The following LRP1B variants were observed in gnomAD, a reference collection of about 807,000 sequenced individuals.
The protein encoded by LRP1B is LDL receptor related protein 1B.
In LRP1B, 217 loss-of-function variants were observed where a neutral mutation model predicts 556.6. That is an observed-to-expected ratio of 0.39 (90% CI 0.35 to 0.44). The LOEUF is 0.44. Among genes scored for constraint, LRP1B ranks in the 20% least tolerant of loss-of-function variants. LRP1B has a pLI of 1.00. For synonymous variants in LRP1B, 2,047 were observed against 1,865.8 expected (o/e 1.10, Z -2.50); for missense variants, 5,053 against 5,620.8 (o/e 0.90, Z 3.23).
intron 1 of LRP1B, among the ~76,000 whole-genome samples, chr2:141,999,548 A>T (rs918594170): frequency 1.3e-5 from 2 of 152,136 alleles, no homozygotes; most frequent in African/African-American, 4.8e-5. Flanking sequence ...ATAAAGATTT[A>T]AAAGTGGCTT....
At chr2:142,074,040 T>A (rs2104917075) in intron 1 of LRP1B, among the ~76,000 whole-genome samples, 1 of 152,186 alleles carries the variant, frequency 6.6e-6, no homozygotes, top group East Asian at 1.9e-4. Flanking sequence ...GAGAATGGAC[T>A]AATATACCAT....
chr2:140,625,624 T>C (rs1162164329), intron 41 of LRP1B, among the ~76,000 whole-genome samples: 1 of 152,114 alleles, frequency 6.6e-6, no homozygotes, highest in Non-Finnish European at 1.5e-5. Flanking sequence ...AATAAGCATA[T>C]GAAAAGATGT....
chr2:141,015,329 C>T (rs1312326894), intron 13 of LRP1B, among the ~76,000 whole-genome samples: 1 of 151,990 alleles, frequency 6.6e-6, no homozygotes, highest in Admixed American at 6.6e-5. Flanking sequence ...ATTACTTCCT[C>T]GTAATACATA....
chr2:141,397,948 G>A (rs1439541877), intron 3 of LRP1B, among the ~76,000 whole-genome samples: 2 of 151,782 alleles, frequency 1.3e-5, no homozygotes, highest in African/African-American at 4.8e-5. Flanking sequence ...ACATCAGAGA[G>A]TTTAATGTCT....
chr2:140,434,021 C>A (rs888424822), intron 66 of LRP1B, among the ~76,000 whole-genome samples: 2 of 151,908 alleles, frequency 1.3e-5, no homozygotes, highest in Non-Finnish European at 2.9e-5. Context: ...TACTCTATTT[C>A]TATGGCCCTT....
intron 1 of LRP1B, among the ~76,000 whole-genome samples, chr2:141,987,908 G>C (rs1293708816): frequency 6.4e-4 from 2 of 3,108 alleles, no homozygotes; most frequent in African/African-American, 2.6e-3. Flanking sequence ...GTAAAGCAAT[G>C]ATTTCATAGT....
At chr2:140,510,940 TTTTG>T (rs1386340747) in intron 51 of LRP1B, among the ~76,000 whole-genome samples, 2 of 152,202 alleles carry the variant, frequency 1.3e-5, no homozygotes, top group South Asian at 2.1e-4. Context: ...GTTTTGAATG[TTTTG>T]TTTGTTTGTT....
chr2:142,054,166 A>G (rs1704572903), intron 1 of LRP1B, among the ~76,000 whole-genome samples: 1 of 152,172 alleles, frequency 6.6e-6, no homozygotes, highest in Non-Finnish European at 1.5e-5. Context: ...TATTATTTTC[A>G]CAAGAATATG....
intron 11 of LRP1B, 131 bp downstream of exon 11, chr2:141,048,855 T>C (rs1698954854): frequency 1.8e-5 from 13 of 704,222 alleles, no homozygotes; most frequent in East Asian, 1.3e-4. Context: ...AGAAATAACA[T>C]TAAAAAATAT....
intron 49 of LRP1B, among the ~76,000 whole-genome samples, chr2:140,522,399 C>A (rs1178732114): frequency 6.6e-6 from 1 of 151,714 alleles, no homozygotes; most frequent in Non-Finnish European, 1.5e-5. Flanking sequence ...ACACAACATA[C>A]CAAAATCTCT....
intron 41 of LRP1B, among the ~76,000 whole-genome samples, chr2:140,602,969 C>T (rs35949274): frequency 0.2 from 30,754 of 151,744 alleles, 3,347 homozygotes; most frequent in Middle Eastern, 0.29. Context: ...AAATTTTTAC[C>T]GCCTGGCTCC....
intron 62 of LRP1B, 69 bp downstream of exon 62, chr2:140,456,386 G>A (rs1415472332): frequency 6.9e-7 from 1 of 1,450,734 alleles, no homozygotes; most frequent in Admixed American, 2.0e-5. Flanking sequence ...ATCATTCAAT[G>A]TTATGCTAAA....
At chr2:140,919,905 C>T (rs1694686391) in intron 21 of LRP1B, among the ~76,000 whole-genome samples, 1 of 152,006 alleles carries the variant, frequency 6.6e-6, no homozygotes, top group African/African-American at 2.4e-5. Context: ...TTATTACCAT[C>T]CCTATTGATA....
chr2:141,208,123 C>A (rs1226588629), intron 6 of LRP1B: 1 of 152,218 alleles, frequency 6.6e-6, no homozygotes, highest in South Asian at 2.1e-4. Flanking sequence ...CTGAGAATGT[C>A]TTTTATCTTC....
rs578013985 is a variant in LRP1B at position 141,119,126 on chromosome 2, A to G, written c.1014-56853T>C. On this transcript the variant is annotated intron_variant, in intron 7 of 90. Transcript: ENST00000389484. ...CACTCATTGTCTTCCTGGTTGCTAA[A>G]TGCTCCATCTTTAACACAATTTTGA... Among the ~76,000 whole-genome samples, 7 of 152,050 alleles carry G rather than the reference A, an allele frequency of 4.6e-5. No homozygotes were observed. In the South Asian group the frequency reaches 1.4e-3, roughly 31 times the overall value.
chr2:140,786,711 G>A (rs1689915311), intron 32 of LRP1B, among the ~76,000 whole-genome samples: 1 of 152,166 alleles, frequency 6.6e-6, no homozygotes, highest in Non-Finnish European at 1.5e-5. Context: ...ACCTTGAACT[G>A]ACAGATATGG....
intron 6 of LRP1B, among the ~76,000 whole-genome samples, chr2:141,227,538 A>C (rs1226939246): frequency 2.6e-5 from 4 of 152,188 alleles, no homozygotes; most frequent in Admixed American, 1.3e-4. Context: ...TTTAATATGA[A>C]TGACCATTTC....
intron 33 of LRP1B, among the ~76,000 whole-genome samples, chr2:140,774,457 T>A (rs1487291258): frequency 6.6e-6 from 1 of 152,098 alleles, no homozygotes; most frequent in African/African-American, 2.4e-5. Flanking sequence ...ATCTAGAAAA[T>A]TTGACATGTA....
In LRP1B at chr2:141,366,826, C is replaced by T. The variant is rs188730155; in HGVS notation, c.344-112185G>A. 7.8e-3 allele frequency among the ~76,000 whole-genome samples: 1,195 copies of T among 152,234 alleles called. 6 individuals are homozygous for T. Among genetic ancestry groups the T allele is most frequent in the Middle Eastern group, 0.027 (8 of 294 alleles). ...TGGATCCTAGTTCACTAGGTGAAAA[C>T]GCTGGGTCACTTTTCTCAATCTCTG... On this transcript the variant is annotated intron_variant, in intron 3 of 90. Coordinates refer to ENST00000389484, the MANE Select transcript of LRP1B (RefSeq NM_018557.3).
Sources: gnomAD v4.1 joint callset for allele counts (sites outside exome capture counted in the v4.1 genomes callset) on GRCh38, gnomAD v4.1.1 for gene constraint, MANE v1.5 for transcripts, NCBI Gene and HGNC (gene_info 2026-07-23, HGNC 2026-07-21) for gene names.